MEIS1: variants seen among roughly 807,000 people sequenced by gnomAD.
MEIS1 encodes Meis homeobox 1.
Under a neutral mutation model 50.8 loss-of-function variants are expected in MEIS1, and 5 were observed. That is an observed-to-expected ratio of 0.10 (90% CI 0.05 to 0.21). MEIS1 has a LOEUF of 0.21. Among genes scored for constraint, MEIS1 ranks in the 10% least tolerant of loss-of-function variants. The pLI is 1.00. For missense variants in MEIS1, 318 were observed against 517.3 expected (o/e 0.61, Z 3.74); for synonymous variants, 176 against 179.3 (o/e 0.98, Z 0.15).
chr2:66,450,367 A>G (rs1033873439), intron 6 of MEIS1, among the ~76,000 whole-genome samples: 2 of 152,150 alleles, frequency 1.3e-5, no homozygotes, highest in East Asian at 1.9e-4. Flanking sequence ...CAGCTAATCC[A>G]GAGGCTGAGG....
chr2:66,539,852 C>G (rs760735086), intron 8 of MEIS1, among the ~76,000 whole-genome samples: 9 of 152,224 alleles, frequency 5.9e-5, no homozygotes, highest in Non-Finnish European at 1.2e-4. Context: ...GCCTGCCTCC[C>G]AGGCAGAAGC....
chr2:66,529,676 G>A (rs917585004), intron 8 of MEIS1, among the ~76,000 whole-genome samples: 3 of 152,166 alleles, frequency 2.0e-5, no homozygotes, highest in Non-Finnish European at 2.9e-5. Flanking sequence ...TGCAGTGGAG[G>A]CAGCAAAGGT....
At chr2:66,468,703 A>G (rs1672698144) in intron 7 of MEIS1, among the ~76,000 whole-genome samples, 1 of 152,162 alleles carries the variant, frequency 6.6e-6, no homozygotes, top group South Asian at 2.1e-4. Context: ...TCTGTTAGCA[A>G]TTTGACAACT....
chr2:66,498,410 A>G (rs1409899401), intron 7 of MEIS1, among the ~76,000 whole-genome samples: 10 of 152,152 alleles, frequency 6.6e-5, no homozygotes, highest in Admixed American at 6.5e-4. Context: ...TGGGATTTAC[A>G]TGAGCCCAGA....
chr2:66,546,928 G>A (rs951287588), intron 8 of MEIS1, among the ~76,000 whole-genome samples: 2 of 152,092 alleles, frequency 1.3e-5, no homozygotes, highest in African/African-American at 4.8e-5. Flanking sequence ...TTCAATAGAC[G>A]ACAATTTAGT....
chr2:66,437,410 C>T, intron 1 of MEIS1: 2 of 322,534 alleles, frequency 6.2e-6, no homozygotes, highest in South Asian at 8.3e-5. Context: ...GCCCGTTTCA[C>T]CTTCTACCCT....
chr2:66,462,542 G>A (rs926548488), intron 6 of MEIS1, among the ~76,000 whole-genome samples: 7 of 152,194 alleles, frequency 4.6e-5, no homozygotes, highest in African/African-American at 1.4e-4. Flanking sequence ...GCCTGGCATT[G>A]TCTGTCCCCT....
chr2:66,573,213 A>G lies in MEIS1; in HGVS notation c.*2005A>G, dbSNP rs748233062. 9.9e-5 allele frequency: 15 copies of G among 152,190 alleles called. No individual in the cohort carries two copies. The highest frequency in any genetic ancestry group is 1.8e-4 in the Non-Finnish European group (12 of 68,026). The allele number at this position is 152,190 out of a possible 1,614,324, so 9.4% of individuals were successfully genotyped here. A position where few individuals can be genotyped will look rare whatever the true frequency, so the allele number is the denominator to read the frequency against. On this transcript the variant is annotated 3_prime_UTR_variant, in exon 13 of 13. Transcript: ENST00000272369. Reference sequence around the variant, plus strand: ...ATTGGATAAAACTGGTTATTAACCAATTTTCCAGAACAGCTGTACAAGATT... The same window carrying G: ...ATTGGATAAAACTGGTTATTAACCAGTTTTCCAGAACAGCTGTACAAGATT...
At chr2:66,568,931 T>C (rs976527339) in intron 11 of MEIS1, 119 bp from the exon 12 acceptor site, 2 of 1,122,960 alleles carry the variant, frequency 1.8e-6, no homozygotes, top group Admixed American at 1.7e-5. Context: ...CTTTATGCAC[T>C]GAAGATCTCA....
chr2:66,450,223 G>A (rs1423739238), intron 6 of MEIS1, among the ~76,000 whole-genome samples: 1 of 152,086 alleles, frequency 6.6e-6, no homozygotes. Flanking sequence ...TTTCTACAGT[G>A]GATTCTTCCC....
intron 8 of MEIS1, among the ~76,000 whole-genome samples, chr2:66,539,800 G>A (rs1022486049): frequency 7.2e-5 from 11 of 152,182 alleles, no homozygotes; most frequent in African/African-American, 2.7e-4. Context: ...TCAAGGTTCT[G>A]ATGAACTAAC....
intron 3 of MEIS1, 107 bp downstream of exon 3, chr2:66,440,091 A>ACACACACACACT: frequency 9.5e-7 from 1 of 1,054,496 alleles, no homozygotes; most frequent in Non-Finnish European, 1.3e-6. Flanking sequence ...ACACACACAC[A>ACACACACACACT]CGGCACACTT....
intron 8 of MEIS1, among the ~76,000 whole-genome samples, chr2:66,529,426 T>C (rs530693895): frequency 6.6e-6 from 1 of 152,280 alleles, no homozygotes; most frequent in African/African-American, 2.4e-5. Context: ...GTCATTTATT[T>C]GTTTATCTAC....
intron 9 of MEIS1, among the ~76,000 whole-genome samples, chr2:66,559,123 CAGAG>C (rs58790798): frequency 0.64 from 95,053 of 147,910 alleles, 30,218 homozygotes; most frequent in Non-Finnish European, 0.67. Context: ...GCCTGGGTGA[CAGAG>C]AGAGAGAGAG....
At chr2:66,466,845 C>T (rs1672648646) in intron 7 of MEIS1, among the ~76,000 whole-genome samples, 1 of 151,702 alleles carries the variant, frequency 6.6e-6, no homozygotes. Context: ...AGGAGTAATA[C>T]ATATTTTAAA....
At chr2:66,452,299 C>T (rs1255717129) in intron 6 of MEIS1, among the ~76,000 whole-genome samples, 1 of 151,896 alleles carries the variant, frequency 6.6e-6, no homozygotes, top group African/African-American at 2.4e-5. Context: ...GCCCTTCACT[C>T]TTGAACATAT....
At chr2:66,464,431 A>T (rs916813432) in intron 7 of MEIS1, among the ~76,000 whole-genome samples, 1 of 152,162 alleles carries the variant, frequency 6.6e-6, no homozygotes, top group Non-Finnish European at 1.5e-5. Flanking sequence ...GCTTCATAAA[A>T]CAGGGTAGTG....
At chr2:66,443,079 G>GAAA in intron 6 of MEIS1, 31 bp downstream of exon 6, 1 of 1,246,802 alleles carries the variant, frequency 8.0e-7, no homozygotes. Flanking sequence ...ACATCCCTGG[G>GAAA]AAAAAAAAAA....
At chr2:66,525,846 T>A (rs781505337) in intron 8 of MEIS1, among the ~76,000 whole-genome samples, 34 of 152,218 alleles carry the variant, frequency 2.2e-4, no homozygotes, top group Non-Finnish European at 1.9e-4. Context: ...ACGGAAGTTA[T>A]CATGGAGTGA....
Sources: gnomAD v4.1 joint callset for allele counts (sites outside exome capture counted in the v4.1 genomes callset) on GRCh38, gnomAD v4.1.1 for gene constraint, MANE v1.5 for transcripts, NCBI Gene and HGNC (gene_info 2026-07-23, HGNC 2026-07-21) for gene names.